Variants in CES1 observed in about 807,000 individuals in gnomAD.
CES1 encodes liver carboxylesterase 1.
In CES1, 50 loss-of-function variants were observed where a neutral mutation model predicts 53.0. The observed-to-expected ratio is 0.94, with a 90% CI of 0.75 to 1.19. CES1 has a LOEUF of 1.19. Ranked by LOEUF, CES1 falls within the 50% of genes most tolerant of loss-of-function variation. The pLI is 0.00. For missense variants in CES1, 534 were observed against 538.0 expected, an observed-to-expected ratio of 0.99 and a Z score of 0.07; for synonymous variants, 202 against 210.1, an observed-to-expected ratio of 0.96 and a Z score of 0.33.
At chr16:55,810,810 G>A (rs1684946252) in intron 10 of CES1, 117 bp downstream of exon 10, 1 of 1,408,986 alleles carries the variant, frequency 7.1e-7, no homozygotes, top group East Asian at 2.3e-5. Context: ...AAGGTGGAAA[G>A]ATGGGGGAAA....
chr16:55,820,608 C>G, intron 5 of CES1, 129 bp from the exon 6 acceptor site: 1 of 1,462,248 alleles, frequency 6.8e-7, no homozygotes, highest in Non-Finnish European at 9.4e-7. Flanking sequence ...AGTGGGCTGA[C>G]CCTCTGCCCA....
chr16:55,828,979 A>T lies in CES1; in HGVS notation c.53-5T>A. ...GTGGCGAGGACGGATGCCCTGCTGG[A>T]CATGGAGAATAAATCAGGATGCATC... On this transcript the variant is annotated splice_region_variant and splice_polypyrimidine_tract_variant and intron_variant, in intron 1 of 13. Transcript: ENST00000360526. The T allele has an allele frequency of 1.9e-6, 3 of 1,599,374 alleles. No homozygotes were observed. The highest frequency in any genetic ancestry group is 2.6e-6 in the Non-Finnish European group (3 of 1,172,860).
chr16:55,821,866 T>C (rs2032214006), intron 4 of CES1, among the ~76,000 whole-genome samples: 1 of 152,034 alleles, frequency 6.6e-6, no homozygotes, highest in South Asian at 2.1e-4. Context: ...TGTCAGGTAG[T>C]CAAAGTGCAC....
In CES1 at chr16:55,812,756, G is replaced by T. The variant is rs1212592336; in HGVS notation, c.1086+147C>A. On this transcript the variant is annotated intron_variant, in intron 9 of 13. Transcript: ENST00000360526. ...GTGAAAACTGTGCCCTCCTGGAGAA[G>T]ATTTCCGTGGAAATGTTAACTCCTG... The T allele has an allele frequency of 2.5e-6, 3 of 1,180,388 alleles. No individual in the cohort carries two copies. The East Asian group carries it at 7.0e-5, about 28-fold the overall frequency. 73.1% of individuals were successfully genotyped at this position (1,180,388 alleles called of 1,614,324 possible).
rs1389709816 is a variant in CES1 at position 55,823,937 on chromosome 16, C to T, written c.406-254G>A. The stretch of plus-strand genomic sequence containing the variant: ...TACCCAGCCTCCAGTGCCTCCTCCC[C>T]GAAAGGCTCTTGATGCTGAGAACAT... On this transcript the variant is annotated intron_variant, in intron 3 of 13. Transcript: ENST00000360526. Among the ~76,000 whole-genome samples the T allele has an allele frequency of 5.3e-5, 8 of 152,348 alleles. No individual in the cohort carries two copies. The South Asian group carries it at 6.2e-4, about 12-fold the overall frequency.
At chr16:55,808,589 T>A (rs527439918) in intron 11 of CES1, among the ~76,000 whole-genome samples, 18 of 152,308 alleles carry the variant, frequency 1.2e-4, no homozygotes, top group Admixed American at 4.6e-4. Flanking sequence ...TTCTAAAACA[T>A]TTGCATTGTC....
chr16:55,824,805 A>G (rs2032353250), intron 3 of CES1, among the ~76,000 whole-genome samples: 1 of 152,244 alleles, frequency 6.6e-6, no homozygotes, highest in South Asian at 2.1e-4. Context: ...AGAGGCTTAG[A>G]GAAGTTAAGA....
chr16:55,821,555 C>A (rs1178694067), intron 4 of CES1, 34 bp from the exon 5 acceptor site: 1 of 1,613,576 alleles, frequency 6.2e-7, no homozygotes, highest in East Asian at 2.2e-5. Context: ...GGGTGGGGAG[C>A]AGAGATGTCA....
intron 9 of CES1, 98 bp from the exon 10 acceptor site, chr16:55,811,108 T>C: frequency 1.0e-6 from 1 of 1,002,058 alleles, no homozygotes; most frequent in South Asian, 1.3e-5. Context: ...CTGAAAGTCC[T>C]CTAATTATGG....
At chr16:55,815,939 C>T (rs1305103771) in intron 8 of CES1, among the ~76,000 whole-genome samples, 1 of 152,302 alleles carries the variant, frequency 6.6e-6, no homozygotes, top group Non-Finnish European at 1.5e-5. Context: ...TAGCCTCAAG[C>T]CAGTCTGTCC....
chr16:55,830,245 A>G (rs1309531008), intron 1 of CES1, among the ~76,000 whole-genome samples: 4 of 152,222 alleles, frequency 2.6e-5, no homozygotes, highest in Non-Finnish European at 4.4e-5. Flanking sequence ...CAACCCTGCA[A>G]TGTCAATATT....
chr16:55,811,404 A>AC (rs1158877960), intron 9 of CES1, among the ~76,000 whole-genome samples: 1 of 151,746 alleles, frequency 6.6e-6, no homozygotes, highest in Non-Finnish European at 1.5e-5. Flanking sequence ...CCTCCCTAGT[A>AC]CCCCCACCTG....
chr16:55,822,803 G>C (rs1487679711), intron 4 of CES1, among the ~76,000 whole-genome samples: 1 of 152,112 alleles, frequency 6.6e-6, no homozygotes, highest in Non-Finnish European at 1.5e-5. Context: ...CTGCTGCTGG[G>C]AAGTCCTGAG....
intron 7 of CES1, among the ~76,000 whole-genome samples, chr16:55,817,699 T>C (rs1309071821): frequency 3.3e-5 from 5 of 151,892 alleles, no homozygotes; most frequent in African/African-American, 1.2e-4. Context: ...TCTTTGTGTG[T>C]GGGTGTCTGT....
intron 8 of CES1, among the ~76,000 whole-genome samples, chr16:55,813,924 T>G (rs1175712373): frequency 6.6e-6 from 1 of 152,218 alleles, no homozygotes; most frequent in Non-Finnish European, 1.5e-5. Flanking sequence ...AGATGGAACA[T>G]GCCCATCATG....
At chr16:55,827,516 A>T (rs1461793676) in intron 2 of CES1, among the ~76,000 whole-genome samples, 1 of 152,066 alleles carries the variant, frequency 6.6e-6, no homozygotes, top group African/African-American at 2.4e-5. Flanking sequence ...ATATTTTGGG[A>T]GGGAAATCAA....
chr16:55,817,092 T>C, intron 7 of CES1, 130 bp from the exon 8 acceptor site: 1 of 985,230 alleles, frequency 1.0e-6, no homozygotes, highest in Non-Finnish European at 1.6e-6. Flanking sequence ...ATATGTGACC[T>C]GCGGTGCTCC....
intron 7 of CES1, 55 bp from the exon 8 acceptor site, chr16:55,817,017 G>A: frequency 1.3e-6 from 2 of 1,596,598 alleles, no homozygotes; most frequent in Non-Finnish European, 1.7e-6. Context: ...AGAACACTGA[G>A]CTGGGTGAGT....
At chr16:55,808,548 T>C (rs1320141678) in intron 11 of CES1, among the ~76,000 whole-genome samples, 1 of 152,220 alleles carries the variant, frequency 6.6e-6, no homozygotes, top group East Asian at 1.9e-4. Flanking sequence ...TCTTATGCAG[T>C]GGAATGCAAT....
Sources: gnomAD v4.1 joint callset for allele counts (sites outside exome capture counted in the v4.1 genomes callset) on GRCh38, gnomAD v4.1.1 for gene constraint, MANE v1.5 for transcripts, NCBI Gene and HGNC (gene_info 2026-07-23, HGNC 2026-07-21) for gene names.